Variants in PCDHGA6 observed in about 807,000 individuals in gnomAD.
The protein encoded by PCDHGA6 is protocadherin gamma subfamily A, 6.
In PCDHGA6, 41 loss-of-function variants were observed where a neutral mutation model predicts 60.6. That is an observed-to-expected ratio of 0.68 (90% CI 0.53 to 0.88). The LOEUF (loss-of-function observed/expected upper bound fraction) is 0.88. Among genes scored for constraint, PCDHGA6 ranks in the 40% least tolerant of loss-of-function variants. The pLI is 0.00. For missense variants in PCDHGA6, 1,312 were observed against 1,203.0 expected, an observed-to-expected ratio of 1.09 and a Z score of -1.34; for synonymous variants, 594 against 524.4, an observed-to-expected ratio of 1.13 and a Z score of -1.81.
chr5:141,428,587 G>C (rs914718913), intron 1 of PCDHGA6: 6 of 226,650 alleles, frequency 2.6e-5, no homozygotes, highest in Non-Finnish European at 5.3e-5. Flanking sequence ...AGTTTCTCTG[G>C]TAGCAAGCTT....
intron 1 of PCDHGA6, chr5:141,395,509 G>C (rs59251876): frequency 0.091 from 39,157 of 428,204 alleles, 2,522 homozygotes; most frequent in African/African-American, 0.18. Flanking sequence ...TTAAGAAGTA[G>C]CTACCCGTCC....
At chr5:141,387,036 C>G (rs1026680473) in intron 1 of PCDHGA6, among the ~76,000 whole-genome samples, 1 of 152,116 alleles carries the variant, frequency 6.6e-6, no homozygotes, top group Non-Finnish European at 1.5e-5. Flanking sequence ...ATTTCATAAC[C>G]AGTAAAATAA....
Position 141,486,098 on chromosome 5 carries a change from G to A in PCDHGA6, c.2425-8709G>A, listed in dbSNP as rs1211678224. ...AAAGCTTACTCTTTTGGGGCCCCTA[G>A]ACTTTGAGAGTGAGAATTACTATGA... On this transcript the variant is annotated intron_variant, in intron 1 of 3. Transcript: ENST00000517434. This position sits in a 1 kb window ranked among gnomAD's most constrained non-coding sequence, Gnocchi z 5.0. 5.0e-6 allele frequency: 8 copies of A among 1,614,032 alleles called. No homozygotes were observed. Among genetic ancestry groups the A allele is most frequent in the Admixed American group, 3.3e-5 (2 of 59,994 alleles).
chr5:141,425,943 C>A (rs2096904576), intron 1 of PCDHGA6, among the ~76,000 whole-genome samples: 1 of 152,220 alleles, frequency 6.6e-6, no homozygotes, highest in Non-Finnish European at 1.5e-5. Flanking sequence ...TGTCTAGTTT[C>A]CTATACATTA....
intron 1 of PCDHGA6, chr5:141,413,577 T>C (rs752007520): frequency 2.5e-6 from 4 of 1,613,836 alleles, no homozygotes; most frequent in Non-Finnish European, 3.4e-6. Context: ...ATGACAATGC[T>C]CCAAAATTCC....
At position 141,390,471 on chromosome 5, in the gene PCDHGA6, G is replaced by C. The variant is rs969771801; in HGVS notation, c.2424+13964G>C. The C allele has an allele frequency of 7.2e-6, 5 of 697,624 alleles. No homozygotes were observed. The African/African-American group carries it at 9.0e-5, about 13-fold the overall frequency. The allele number at this position is 697,624 out of a possible 1,614,324, so 43.2% of individuals were successfully genotyped here. On this transcript the variant is annotated intron_variant, in intron 1 of 3. Coordinates refer to ENST00000517434, the MANE Select transcript of PCDHGA6 (RefSeq NM_018919.3). ...GGAGTAAAGTAGGAGCAATTGTGTG[G>C]CCCAACATTTGTTTGTTTTTTAGCC... is the stretch of plus-strand genomic sequence containing the variant.
intron 2 of PCDHGA6, among the ~76,000 whole-genome samples, chr5:141,501,530 G>A (rs556760554): frequency 3.5e-4 from 53 of 151,998 alleles, no homozygotes; most frequent in Admixed American, 2.2e-3. Context: ...AGCCCAGTAC[G>A]TTGTTGTGCA....
At chr5:141,397,467 G>A (rs1052329651) in intron 1 of PCDHGA6, among the ~76,000 whole-genome samples, 1 of 152,176 alleles carries the variant, frequency 6.6e-6, no homozygotes, top group East Asian at 1.9e-4. Flanking sequence ...ATATTGGGGA[G>A]TTGGAAATCA....
chr5:141,377,580 A>G (rs1350053157), intron 1 of PCDHGA6: 1 of 151,568 alleles, frequency 6.6e-6, no homozygotes, highest in African/African-American at 2.4e-5. Context: ...TGGGAGACAG[A>G]ATGAGACTTT....
intron 1 of PCDHGA6, chr5:141,415,435 C>A: frequency 1.2e-6 from 2 of 1,614,202 alleles, no homozygotes; most frequent in Non-Finnish European, 8.5e-7. Context: ...TCGGGCTTTC[C>A]TGCAGACCTA....
intron 1 of PCDHGA6, among the ~76,000 whole-genome samples, chr5:141,474,726 A>G (rs549082085): frequency 6.6e-6 from 1 of 152,358 alleles, no homozygotes; most frequent in South Asian, 2.1e-4. Flanking sequence ...AAAGGACTCT[A>G]TGCAATCAAA....
intron 1 of PCDHGA6, among the ~76,000 whole-genome samples, chr5:141,481,293 TC>T (rs2099535148): frequency 6.6e-6 from 1 of 152,174 alleles, no homozygotes; most frequent in South Asian, 2.1e-4. Context: ...ATTTCAGTCA[TC>T]TAAGGGAAAA....
chr5:141,409,080 C>T (rs2095221617), intron 1 of PCDHGA6: 1 of 1,613,988 alleles, frequency 6.2e-7, no homozygotes, highest in Non-Finnish European at 8.5e-7. Context: ...CATATGTTCT[C>T]ATTGGATGAG....
intron 2 of PCDHGA6, among the ~76,000 whole-genome samples, chr5:141,504,506 A>T (rs575756846): frequency 1.3e-5 from 2 of 152,096 alleles, no homozygotes; most frequent in African/African-American, 4.8e-5. Context: ...GTCTGAGTGG[A>T]TCTCCTCTGA....
rs771759945 is a variant in PCDHGA6, at chr5:141,405,371, G to A, written c.2424+28864G>A. 49 of 1,598,874 alleles carry A rather than the reference G, an allele frequency of 3.1e-5. No individual in the cohort carries two copies. The highest frequency in any genetic ancestry group is 3.7e-5 in the Non-Finnish European group (43 of 1,176,096). ...GTTTCCTATAGAAGACACCCCTTTG[G>A]TTCCGGTGAGTTCATTTTTTTTCTT... On this transcript the variant is annotated intron_variant, in intron 1 of 3. Transcript: ENST00000517434.
Position 141,374,090 on chromosome 5 carries a change from C to T in PCDHGA6, c.7C>T (p.Pro3Ser). The part of the protein sequence containing the change: MA[P>S]PQRHPQRSEQ... Reference sequence around the variant, plus strand: ...AGTTCCTAATAAGCCAGTAATGGCGCCTCCGCAGAGGCATCCGCAGCGCAG... The same window carrying T: ...AGTTCCTAATAAGCCAGTAATGGCGTCTCCGCAGAGGCATCCGCAGCGCAG... The change falls in exon 1 of 4, where the codon CCT becomes TCT. Residue 3 changes from proline to serine, a missense_variant. By Grantham distance (74) the Pro-to-Ser change is moderately conservative. Transcript: ENST00000517434. 6.5e-7 allele frequency: 1 copy of T among 1,535,464 alleles called. No individual in the cohort carries two copies. The highest frequency in any genetic ancestry group is 8.8e-7 in the Non-Finnish European group (1 of 1,142,124).
chr5:141,430,155 A>G (rs1440666899), intron 1 of PCDHGA6, among the ~76,000 whole-genome samples: 7 of 152,184 alleles, frequency 4.6e-5, no homozygotes, highest in Admixed American at 1.3e-4. Flanking sequence ...CATTCAAGGA[A>G]TCTATTTAAA....
chr5:141,507,287 C>G (rs79707942), intron 3 of PCDHGA6: 1 of 148,974 alleles, frequency 6.7e-6, no homozygotes, highest in East Asian at 1.9e-4. Context: ...AAGTCAGTCT[C>G]AAATGTTGCA....
intron 1 of PCDHGA6, chr5:141,383,093 G>T (rs1778804581): frequency 1.2e-5 from 20 of 1,613,930 alleles, no homozygotes; most frequent in Non-Finnish European, 1.7e-5. Flanking sequence ...CGCGGAGTCC[G>T]CATCATCTCC....
Sources: gnomAD v4.1 joint callset for allele counts (sites outside exome capture counted in the v4.1 genomes callset) on GRCh38, gnomAD v4.1.1 for gene constraint, Gnocchi (gnomAD v3.1) non-coding constraint, MANE v1.5 for transcripts, NCBI Gene and HGNC (gene_info 2026-07-23, HGNC 2026-07-21) for gene names.